Variants in KIF26B observed in about 807,000 individuals in gnomAD.
The protein encoded by KIF26B is kinesin-like protein KIF26B.
A neutral mutation model predicts 151.2 loss-of-function variants in KIF26B; 63 were observed. The ratio of observed to expected loss-of-function variants is 0.42; its 90% CI spans 0.34 to 0.51. The LOEUF (loss-of-function observed/expected upper bound fraction) is 0.51. Ranked by LOEUF, KIF26B falls within the 20% of genes least tolerant of loss-of-function variation. KIF26B has a pLI of 0.07. For missense variants in KIF26B, 2,813 were observed against 2,913.6 expected, an observed-to-expected ratio of 0.97 and a Z score of 0.79; for synonymous variants, 1,357 against 1,262.1, an observed-to-expected ratio of 1.08 and a Z score of -1.59.
chr1:245,252,712 A>C lies in KIF26B; in HGVS notation c.465+96029A>C, dbSNP rs562100908. Among the ~76,000 whole-genome samples, 680 of 151,942 alleles carry C rather than the reference A, an allele frequency of 4.5e-3. 7 individuals carry two copies. Among genetic ancestry groups the C allele is most frequent in the South Asian group, 0.026 (123 of 4,802 alleles). On this transcript the variant is annotated intron_variant, in intron 2 of 14. Transcript: ENST00000407071. ...GCAGATAATATGTCTCTTTCTTTTT[A>C]ATCCTAATTCCTCTTATTGACTTTT...
In KIF26B at chr1:245,199,040, A is replaced by C. The variant is rs184429421; in HGVS notation, c.465+42357A>C. Among the ~76,000 whole-genome samples the C allele has an allele frequency of 4.9e-3, 547 of 111,978 alleles. 3 individuals are homozygous for C. The highest frequency in any genetic ancestry group is 0.017 in the African/African-American group (518 of 30,016). The allele number at this position is 111,978 out of a possible 152,430, so 73.5% of individuals were successfully genotyped here. On this transcript the variant is annotated intron_variant, in intron 2 of 14. Coordinates refer to ENST00000407071, the MANE Select transcript of KIF26B (RefSeq NM_018012.4). Reference sequence around the variant, plus strand: ...ACTAGGTGGGGCCTCAGGGCATCTAAGTTCACTTCATTCATTTTACAGATG... The same window carrying C: ...ACTAGGTGGGGCCTCAGGGCATCTACGTTCACTTCATTCATTTTACAGATG...
chr1:245,389,169 G>A (rs4658762), intron 3 of KIF26B, among the ~76,000 whole-genome samples: 7,654 of 152,008 alleles, frequency 0.05, 294 homozygotes, highest in African/African-American at 0.11. Flanking sequence ...GCTGGAGTGC[G>A]ATGGCATGGC....
At chr1:245,208,830 G>C (rs1223568573) in intron 2 of KIF26B, among the ~76,000 whole-genome samples, 1 of 152,178 alleles carries the variant, frequency 6.6e-6, no homozygotes, top group African/African-American at 2.4e-5. Context: ...ATAGGTCCCA[G>C]TGAGCTCAGC....
chr1:245,466,261 T>TAACA lies in KIF26B; in HGVS notation c.1166+46517_1166+46520dup, dbSNP rs1374432533. Among the ~76,000 whole-genome samples, 3 of 152,334 alleles carry TAACA rather than the reference T, an allele frequency of 2.0e-5. No individual in the cohort carries two copies. In the East Asian group the frequency reaches 5.8e-4, roughly 29 times the overall value. ...GGGTTTGTGCTCTCCTTTAAGTCTG[T>TAACA]AACAGCTGAGTGAACAAATGGCCTG... On this transcript the variant is annotated intron_variant, in intron 4 of 14. Coordinates refer to ENST00000407071, the MANE Select transcript of KIF26B (RefSeq NM_018012.4).
intron 4 of KIF26B, among the ~76,000 whole-genome samples, chr1:245,527,523 G>GTTTTTT (rs1219756621): frequency 1.1e-3 from 46 of 40,480 alleles, no homozygotes; most frequent in Non-Finnish European, 1.9e-3. Context: ...CTTTGGGATG[G>GTTTTTT]CTTTTTTTTT....
intron 9 of KIF26B, among the ~76,000 whole-genome samples, chr1:245,620,476 T>C (rs1017502269): frequency 4.6e-5 from 7 of 152,164 alleles, no homozygotes; most frequent in Admixed American, 3.9e-4. Context: ...CTTGGCTCAC[T>C]GCAACCTCTG....
chr1:245,512,229 C>T lies in KIF26B; in HGVS notation c.1167-28538C>T, dbSNP rs1219261449. Among the ~76,000 whole-genome samples, 1 of 152,188 alleles carries T rather than the reference C, an allele frequency of 6.6e-6. No homozygotes were observed. The highest frequency in any genetic ancestry group is 1.9e-4 in the East Asian group (1 of 5,192). On this transcript the variant is annotated intron_variant, in intron 4 of 14. Transcript: ENST00000407071. The surrounding 1 kb of genome is among the most constrained non-coding windows in gnomAD (Gnocchi z 4.3). ...CTGAGCTATCATTGCCTTTCTCTGT[C>T]TATCACATTCATACCTCAGGCAGAG...
chr1:245,237,549 G>A (rs748598617), intron 2 of KIF26B, among the ~76,000 whole-genome samples: 12 of 152,210 alleles, frequency 7.9e-5, no homozygotes, highest in South Asian at 4.1e-4. Context: ...TGCTGCAGCC[G>A]GGGCCCAGGG....
chr1:245,229,114 G>A (rs1032656454), intron 2 of KIF26B, among the ~76,000 whole-genome samples: 3 of 152,050 alleles, frequency 2.0e-5, no homozygotes, highest in Non-Finnish European at 4.4e-5. Context: ...CTACAGGCAC[G>A]TGCCACGATA....
intron 2 of KIF26B, among the ~76,000 whole-genome samples, chr1:245,327,246 C>T (rs548692273): frequency 1.1e-4 from 16 of 152,308 alleles, no homozygotes; most frequent in Non-Finnish European, 7.3e-5. Context: ...AGGACCATTA[C>T]GATTTCTTTC....
chr1:245,234,366 A>G (rs1394788756), intron 2 of KIF26B: 1 of 152,240 alleles, frequency 6.6e-6, no homozygotes, highest in Non-Finnish European at 1.5e-5. Context: ...CCTCGCACTC[A>G]CACTCACACA....
intron 12 of KIF26B, among the ~76,000 whole-genome samples, chr1:245,691,279 C>T (rs989054909): frequency 2.6e-5 from 4 of 152,236 alleles, no homozygotes; most frequent in Non-Finnish European, 4.4e-5. Context: ...GCTCTGCATA[C>T]GCCCTTGCTC....
At chr1:245,599,744 T>C (rs964014725) in intron 5 of KIF26B, among the ~76,000 whole-genome samples, 1 of 152,168 alleles carries the variant, frequency 6.6e-6, no homozygotes, top group Non-Finnish European at 1.5e-5. Flanking sequence ...CTTGAATGCA[T>C]GCTCTTAGCA....
intron 2 of KIF26B, among the ~76,000 whole-genome samples, chr1:245,174,503 T>TGTATGTGC (rs10666741): frequency 6.7e-6 from 1 of 150,366 alleles, no homozygotes; most frequent in East Asian, 2.0e-4. Flanking sequence ...TATGTACTTA[T>TGTATGTGC]TTATTTATTT....
chr1:245,658,127 G>A (rs1203488536), intron 10 of KIF26B, among the ~76,000 whole-genome samples: 4 of 152,172 alleles, frequency 2.6e-5, no homozygotes, highest in Non-Finnish European at 5.9e-5. Context: ...TTACGTAAAT[G>A]AAATCATACT....
chr1:245,369,814 C>T (rs1189353973), intron 3 of KIF26B, among the ~76,000 whole-genome samples: 3 of 152,160 alleles, frequency 2.0e-5, no homozygotes, highest in Middle Eastern at 3.2e-3. Flanking sequence ...GAAAAGAACT[C>T]GTTTTACCTG....
Position 245,367,321 on chromosome 1 carries a change from C to G in KIF26B, c.953C>G (p.Thr318Ser), listed in dbSNP as rs756077525. The change falls in exon 3 of 15, where the codon ACC becomes AGC. Residue 318 changes from threonine to serine, a missense_variant. Around this residue, in one of 3 missense-constraint regions of KIF26B, gnomAD observed 676 missense variants for 688.1 expected, o/e 0.98. Transcript: ENST00000407071. The surrounding 1 kb of genome is among the most constrained non-coding windows in gnomAD (Gnocchi z 4.2). ...AIQAHQYLDG[T>S]WSLSRTNGVT... ...CAGGCTCACCAGTACCTGGATGGCA[C>G]CTGGTCCCTGTCGAGAACCAACGGG... 3 of 1,596,148 alleles carry G rather than the reference C, an allele frequency of 1.9e-6. No homozygotes were observed. The highest frequency in any genetic ancestry group is 2.6e-6 in the Non-Finnish European group (3 of 1,171,572).
intron 2 of KIF26B, among the ~76,000 whole-genome samples, chr1:245,317,865 G>A (rs962091430): frequency 3.3e-5 from 5 of 152,164 alleles, no homozygotes; most frequent in Admixed American, 6.5e-5. Context: ...CAGAGTTAAG[G>A]TCTAAAACAA....
intron 2 of KIF26B, among the ~76,000 whole-genome samples, chr1:245,242,642 G>A (rs936067242): frequency 9.6e-5 from 11 of 115,144 alleles, no homozygotes; most frequent in African/African-American, 3.0e-4. Context: ...ATATATATGT[G>A]GTTTTTTGTT....
Sources: gnomAD v4.1 joint callset for allele counts (sites outside exome capture counted in the v4.1 genomes callset) on GRCh38, gnomAD v4.1.1 for gene constraint, gnomAD v4.1.1 regional missense constraint, Gnocchi (gnomAD v3.1) non-coding constraint, MANE v1.5 for transcripts, NCBI Gene and HGNC (gene_info 2026-07-23, HGNC 2026-07-21) for gene names.